Variants in SELENOS observed in about 807,000 individuals in gnomAD.
SELENOS encodes selenoprotein S.
In SELENOS, 37 loss-of-function variants were observed where a neutral mutation model predicts 30.2. That is an observed-to-expected ratio of 1.23 (90% CI 0.94 to 1.61). The LOEUF is 1.61. Among genes scored for constraint, SELENOS ranks in the 40% most tolerant of loss-of-function variants. SELENOS has a pLI of 0.00. For synonymous variants in SELENOS, 119 were observed against 91.6 expected (o/e 1.30, Z -1.71); for missense variants, 289 against 231.8 (o/e 1.25, Z -1.60).
intron 2 of SELENOS, among the ~76,000 whole-genome samples, chr15:101,275,918 G>GA (rs11420308): frequency 0.062 from 6,968 of 113,090 alleles, 271 homozygotes; most frequent in African/African-American, 0.11. Flanking sequence ...CCATCTCATA[G>GA]AAAAAAAAAA....
In SELENOS at chr15:101,277,044, G is replaced by C. The variant is rs1351109471; in HGVS notation, c.76+298C>G. ...AGTGTGTATGGGGCTGTGTGGGACG[G>C]GTCCCAGAGGCAAACGCCAACGGCC... On this transcript the variant is annotated intron_variant, in intron 1 of 5. Transcript: ENST00000526049. The C allele has an allele frequency of 1.3e-5, 8 of 599,868 alleles. No homozygotes were observed. In the South Asian group the frequency reaches 1.4e-4, roughly 11 times the overall value. 37.2% of individuals were successfully genotyped at this position (599,868 alleles called of 1,614,324 possible).
chr15:101,274,806 G>A (rs960480577), intron 3 of SELENOS, 125 bp from the exon 4 acceptor site: 4 of 1,045,378 alleles, frequency 3.8e-6, no homozygotes, highest in Middle Eastern at 2.7e-4. Context: ...GTTTTCTTTA[G>A]TTAATAAAAC....
chr15:101,271,990 C>A (rs146997653), downstream of SELENOS, among the ~76,000 whole-genome samples: 1 of 152,290 alleles, frequency 6.6e-6, no homozygotes, highest in Admixed American at 6.5e-5. Flanking sequence ...TGAGAGGTCA[C>A]GTAGAAACCT....
chr15:101,277,101 T>C, intron 1 of SELENOS: 1 of 743,734 alleles, frequency 1.3e-6, no homozygotes, highest in Non-Finnish European at 2.3e-6. Context: ...CAGGAAGGGC[T>C]TGGTTCGCAA....
At chr15:101,277,320 C>A in intron 1 of SELENOS, 22 bp downstream of exon 1, 4 of 1,506,012 alleles carry the variant, frequency 2.7e-6, no homozygotes, top group South Asian at 1.3e-5. Flanking sequence ...GGCGCGCGCC[C>A]GGCTGCCCCG....
chr15:101,274,483 G>GA lies in SELENOS; in HGVS notation c.420dup (p.Pro141SerfsTer24). 1 of 1,608,706 alleles carries GA rather than the reference G, an allele frequency of 6.2e-7. No individual in the cohort carries two copies. Among genetic ancestry groups the GA allele is most frequent in the Non-Finnish European group, 8.5e-7 (1 of 1,177,282 alleles). On this transcript the variant is annotated frameshift_variant, in exon 5 of 6. Transcript: ENST00000526049. LOFTEE classifies it high-confidence loss of function. ...AGGACAGATGAAGTGGAAGGCCCAG[G>GA]ACTGTCTTCCTCCTGTTTGAACACA...
At chr15:101,274,204 A>G in intron 5 of SELENOS, 1 of 608,538 alleles carries the variant, frequency 1.6e-6, no homozygotes, top group Non-Finnish European at 2.9e-6. Flanking sequence ...ACGGGGCTGC[A>G]GAAGGATCAA....
chr15:101,274,158 G>A (rs2039297929), intron 5 of SELENOS: 4 of 532,572 alleles, frequency 7.5e-6, no homozygotes, highest in African/African-American at 1.9e-5. Flanking sequence ...TCTGAAGATT[G>A]GCAGACAATT....
chr15:101,277,406 T>C lies in SELENOS; in HGVS notation c.12A>G (p.Gln4=), dbSNP rs1210366614. 10 of 1,489,392 alleles carry C rather than the reference T, an allele frequency of 6.7e-6. No homozygotes were observed. The highest frequency in any genetic ancestry group is 2.9e-5 in the African/African-American group (2 of 68,430). 92.3% of individuals were successfully genotyped at this position (1,489,392 alleles called of 1,614,324 possible). The change falls in exon 1 of 6, where the codon CAA becomes CAG. Residue 4 remains glutamine (Q), a synonymous_variant. Coordinates refer to ENST00000526049, the MANE Select transcript of SELENOS (RefSeq NM_018445.6). ...CCGGCCGCGCGGACAGAGACTCCTCTTGGCGTTCCATGACCGCCGCCGCCG... is the reference window on the plus strand; with the variant it reads ...CCGGCCGCGCGGACAGAGACTCCTCCTGGCGTTCCATGACCGCCGCCGCCG... The part of the protein sequence containing the change: MER[Q]EESLSARPAL...
chr15:101,275,665 G>A (rs1285956124), intron 2 of SELENOS, among the ~76,000 whole-genome samples: 1 of 152,162 alleles, frequency 6.6e-6, no homozygotes, highest in Non-Finnish European at 1.5e-5. Context: ...GCCACACAGA[G>A]CACATCTTGG....
In SELENOS at chr15:101,277,223, C is replaced by A. The variant is rs977881713; in HGVS notation, c.76+119G>T. On this transcript the variant is annotated intron_variant, in intron 1 of 5. Transcript: ENST00000526049. The stretch of plus-strand genomic sequence containing the variant: ...CCCAAGGTCCGCGTAAGCGCCAACG[C>A]CCGACCGTTCCCAGGCCTCCCAGGC... 4 of 1,491,244 alleles carry A rather than the reference C, an allele frequency of 2.7e-6. No homozygotes were observed. The African/African-American group carries it at 5.6e-5, about 21-fold the overall frequency. The allele number at this position is 1,491,244 out of a possible 1,614,324, so 92.4% of individuals were successfully genotyped here. A position where few individuals can be genotyped will look rare whatever the true frequency, so the allele number is the denominator to read the frequency against.
intron 3 of SELENOS, 70 bp downstream of exon 3, chr15:101,275,185 C>T: frequency 7.4e-7 from 1 of 1,344,188 alleles, no homozygotes. Context: ...ACAACACAGA[C>T]ACAGGCATCG....
chr15:101,277,417 T>TGACCGC lies in SELENOS; in HGVS notation c.-6_-1dup. On this transcript the variant is annotated 5_prime_UTR_variant, in exon 1 of 6. Coordinates refer to ENST00000526049, the MANE Select transcript of SELENOS (RefSeq NM_018445.6). ...GACAGAGACTCCTCTTGGCGTTCCA[T>TGACCGC]GACCGCCGCCGCCGCCGCCGCCCAG... 6.8e-7 allele frequency: 1 copy of TGACCGC among 1,474,218 alleles called. No individual in the cohort carries two copies. The highest frequency in any genetic ancestry group is 8.9e-7 in the Non-Finnish European group (1 of 1,120,586). 91.3% of individuals were successfully genotyped at this position (1,474,218 alleles called of 1,614,324 possible).
At chr15:101,275,393 A>G in intron 2 of SELENOS, 32 bp from the exon 3 acceptor site, 1 of 1,508,990 alleles carries the variant, frequency 6.6e-7, no homozygotes. Flanking sequence ...GAGATAAAGC[A>G]CTGTGTACAA....
intron 3 of SELENOS, 133 bp downstream of exon 3, chr15:101,275,122 C>A (rs2039309398): frequency 1.5e-5 from 11 of 711,674 alleles, no homozygotes; most frequent in Non-Finnish European, 2.1e-5. Context: ...ATGGTAGGAA[C>A]TGAAATGCTT....
At chr15:101,274,390 C>T (rs1333466319) in intron 5 of SELENOS, 30 bp downstream of exon 5, 1 of 1,588,004 alleles carries the variant, frequency 6.3e-7, no homozygotes, top group Non-Finnish European at 8.6e-7. Flanking sequence ...TGTTGAAAAT[C>T]TGTTAACATT....
intron 3 of SELENOS, 138 bp from the exon 4 acceptor site, chr15:101,274,819 T>C: frequency 3.2e-6 from 3 of 929,258 alleles, no homozygotes; most frequent in Non-Finnish European, 4.8e-6. Context: ...AATAAAACTG[T>C]TGTGATCTGG....
In SELENOS at chr15:101,272,588, C is replaced by G; in HGVS notation, c.*183G>C. 1 of 570,566 alleles carries G rather than the reference C, an allele frequency of 1.8e-6. No homozygotes were observed. Among genetic ancestry groups the G allele is most frequent in the Non-Finnish European group, 3.1e-6 (1 of 320,830 alleles). 35.3% of individuals were successfully genotyped at this position (570,566 alleles called of 1,614,324 possible). On this transcript the variant is annotated 3_prime_UTR_variant, in exon 6 of 6. Coordinates refer to ENST00000526049, the MANE Select transcript of SELENOS (RefSeq NM_018445.6). ...CCAAGTAGAATGTGACCAATGACCT[C>G]ATGCCTAGAGGCAACATCTATACCT...
intron 3 of SELENOS, chr15:101,274,984 C>A: frequency 3.5e-6 from 2 of 571,084 alleles, no homozygotes; most frequent in Non-Finnish European, 6.1e-6. Context: ...CACATGCACA[C>A]ACACACTCAC....
Sources: gnomAD v4.1 joint callset for allele counts (sites outside exome capture counted in the v4.1 genomes callset) on GRCh38, gnomAD v4.1.1 for gene constraint, MANE v1.5 for transcripts, NCBI Gene and HGNC (gene_info 2026-07-23, HGNC 2026-07-21) for gene names.